DSCAM: variants seen among roughly 807,000 people sequenced by gnomAD.
The protein encoded by DSCAM is DS cell adhesion molecule.
A neutral mutation model predicts 217.7 loss-of-function variants in DSCAM; 47 were observed. The observed-to-expected ratio is 0.22, with a 90% CI of 0.17 to 0.28. The LOEUF is 0.28. Among genes scored for constraint, DSCAM ranks in the 10% least tolerant of loss-of-function variants. DSCAM has a pLI of 1.00. For missense variants in DSCAM, 2,080 were observed against 2,618.3 expected (o/e 0.79, Z 4.49); for synonymous variants, 1,056 against 1,015.3 (o/e 1.04, Z -0.76).
intron 3 of DSCAM, among the ~76,000 whole-genome samples, chr21:40,582,047 T>C (rs554694018): frequency 9.2e-5 from 14 of 152,312 alleles, no homozygotes; most frequent in African/African-American, 3.1e-4. Context: ...GTAATTACTT[T>C]AGATAAATGT....
chr21:40,748,232 A>G (rs1355465481), intron 1 of DSCAM, among the ~76,000 whole-genome samples: 1 of 151,950 alleles, frequency 6.6e-6, no homozygotes, highest in Non-Finnish European at 1.5e-5. Flanking sequence ...TAGGCAAGGG[A>G]AAGAAAGAAA....
intron 3 of DSCAM, among the ~76,000 whole-genome samples, chr21:40,682,957 G>A (rs1254493266): frequency 5.1e-5 from 2 of 39,132 alleles, no homozygotes; most frequent in Admixed American, 6.4e-4. Flanking sequence ...CGGGTCATAA[G>A]GGTGGCCCCT....
chr21:40,199,272 C>T (rs530498490), intron 11 of DSCAM, among the ~76,000 whole-genome samples: 1 of 152,246 alleles, frequency 6.6e-6, no homozygotes, highest in South Asian at 2.1e-4. Context: ...ATAAAAACAC[C>T]CACAGTATGC....
rs765864621 is a variant in DSCAM at position 40,347,933 on chromosome 21, G to T, written c.947C>A (p.Ala316Asp). The T allele has an allele frequency of 6.2e-7, 1 of 1,612,344 alleles. No homozygotes were observed. The highest frequency in any genetic ancestry group is 8.5e-7 in the Non-Finnish European group (1 of 1,178,754). Residue 316 changes from alanine (A) to aspartate (D), a missense_variant, in exon 6 of 33, where the codon GCC (alanine) becomes GAC (aspartate). Transcript: ENST00000400454. Reference protein sequence around the residue: ...GRLYVKQPLKATISPRKVKSS... With the variant: ...GRLYVKQPLKDTISPRKVKSS... ...TTTAACCTTCCTGGGACTGATGGTGGCTTTCAGTGGCTCTGGAGGTTTTAG... is the reference window on the plus strand; with the variant it reads ...TTTAACCTTCCTGGGACTGATGGTGTCTTTCAGTGGCTCTGGAGGTTTTAG...
chr21:40,756,856 T>C (rs1216610366), intron 1 of DSCAM, among the ~76,000 whole-genome samples: 5 of 152,120 alleles, frequency 3.3e-5, no homozygotes, highest in African/African-American at 7.2e-5. Context: ...TCAAAGGCCA[T>C]ACAGTTTGCA....
intron 3 of DSCAM, among the ~76,000 whole-genome samples, chr21:40,603,171 T>C (rs1009624332): frequency 3.3e-5 from 5 of 152,198 alleles, no homozygotes; most frequent in African/African-American, 9.6e-5. Flanking sequence ...TGAAGTTTAA[T>C]TTCATTATAA....
chr21:40,358,617 G>A (rs2074722198), intron 4 of DSCAM, among the ~76,000 whole-genome samples: 1 of 152,028 alleles, frequency 6.6e-6, no homozygotes, highest in Admixed American at 6.6e-5. Flanking sequence ...GACGAGCCTG[G>A]CCAACATGGT....
chr21:40,655,870 T>C (rs1007702298), intron 3 of DSCAM, among the ~76,000 whole-genome samples: 6 of 152,058 alleles, frequency 3.9e-5, no homozygotes, highest in African/African-American at 1.2e-4. Context: ...CGTGGCAGCA[T>C]AGCAAGATCC....
chr21:40,557,255 T>G (rs889997902), intron 3 of DSCAM, among the ~76,000 whole-genome samples: 3 of 152,138 alleles, frequency 2.0e-5, no homozygotes, highest in African/African-American at 7.2e-5. Context: ...ATGAATAGAT[T>G]AATGCCCTCC....
At chr21:40,150,424 G>C (rs1263173301) in intron 16 of DSCAM, among the ~76,000 whole-genome samples, 1 of 152,184 alleles carries the variant, frequency 6.6e-6, no homozygotes, top group Non-Finnish European at 1.5e-5. Flanking sequence ...TTTGTAGATA[G>C]ACTAGTCAGA....
intron 3 of DSCAM, among the ~76,000 whole-genome samples, chr21:40,512,844 T>C (rs1233395405): frequency 6.6e-6 from 1 of 151,972 alleles, no homozygotes; most frequent in Non-Finnish European, 1.5e-5. Context: ...GAAGGGACCA[T>C]AGAAAATTCT....
Position 40,013,274 on chromosome 21 carries a change from T to C in DSCAM, c.5799A>G (p.Lys1933=), listed in dbSNP as rs1178109154. Residue 1933 remains lysine, a synonymous_variant, in exon 33 of 33, where the codon AAA becomes AAG. Coordinates refer to ENST00000400454, the MANE Select transcript of DSCAM (RefSeq NM_001389.5). ...CCGTGGGGCGCTTCAGGGTCCGGCT[T>C]TTCTGAGGTTCCAAGCATGCTTGTC... The part of the protein sequence containing the change: ...SLGQACLEPQ[K]SRTLKRPTVL... 1 of 1,613,602 alleles carries C rather than the reference T, an allele frequency of 6.2e-7. No individual in the cohort carries two copies. The highest frequency in any genetic ancestry group is 2.2e-5 in the East Asian group (1 of 44,880).
intron 11 of DSCAM, among the ~76,000 whole-genome samples, chr21:40,253,885 T>C (rs1488177764): frequency 6.6e-6 from 1 of 152,208 alleles, no homozygotes; most frequent in Non-Finnish European, 1.5e-5. Flanking sequence ...GGCATTTTCC[T>C]GAATGCTGTA....
rs1234545563 is a variant in DSCAM at position 40,255,824 on chromosome 21, T to C, written c.2356+20273A>G. 3.3e-5 allele frequency among the ~76,000 whole-genome samples: 5 copies of C among 152,300 alleles called. No homozygotes were observed. The East Asian group carries it at 9.7e-4, about 29-fold the overall frequency. ...CAGCTGGCAGGGAAGCAGCGATGTC[T>C]GTCTCACAGCCACCTGGAGCAGAAT... On this transcript the variant is annotated intron_variant, in intron 11 of 32. Transcript: ENST00000400454.
intron 30 of DSCAM, among the ~76,000 whole-genome samples, chr21:40,050,631 C>T (rs762990604): frequency 2.6e-5 from 4 of 152,064 alleles, no homozygotes; most frequent in African/African-American, 4.8e-5. Context: ...TACAGGTGCC[C>T]GCCACCAGGC....
chr21:40,513,246 G>A (rs1212520833), intron 3 of DSCAM: 1 of 152,174 alleles, frequency 6.6e-6, no homozygotes, highest in East Asian at 1.9e-4. Flanking sequence ...CCCAGGTCCT[G>A]TGCCTCATCT....
chr21:40,548,964 G>A (rs1320328677), intron 3 of DSCAM, among the ~76,000 whole-genome samples: 1 of 152,198 alleles, frequency 6.6e-6, no homozygotes, highest in Non-Finnish European at 1.5e-5. Context: ...CAGCCTTTGG[G>A]AGACCAAGAT....
At chr21:40,811,199 G>A (rs9305706) in intron 1 of DSCAM, among the ~76,000 whole-genome samples, 69,236 of 152,048 alleles carry the variant, frequency 0.46, 17,348 homozygotes, top group South Asian at 0.64. Context: ...ATGCTACAGC[G>A]TGCAGAGTCA....
chr21:40,509,444 T>A (rs1351586561), intron 3 of DSCAM, among the ~76,000 whole-genome samples: 1 of 152,226 alleles, frequency 6.6e-6, no homozygotes, highest in Non-Finnish European at 1.5e-5. Flanking sequence ...TTTGATTTTC[T>A]ATTTTTCACT....
Sources: allele counts gnomAD v4.1 joint callset (sites outside exome capture counted in the v4.1 genomes callset), GRCh38; gene constraint gnomAD v4.1.1; transcripts MANE v1.5; gene names NCBI Gene and HGNC (gene_info 2026-07-23, HGNC 2026-07-21).